MME: variants seen among roughly 807,000 people sequenced by gnomAD.
MME encodes the protein membrane metalloendopeptidase, also known as neprilysin.
Under a neutral mutation model 113.2 loss-of-function variants are expected in MME, and 98 were observed. The ratio of observed to expected loss-of-function variants is 0.87; its 90% CI spans 0.74 to 1.02. The LOEUF is 1.02. MME is among the 50% of genes least tolerant of loss of function. The pLI is 0.00. For missense variants in MME, 836 were observed against 896.0 expected (o/e 0.93, Z 0.86); for synonymous variants, 292 against 300.6 (o/e 0.97, Z 0.30).
chr3:155,078,663 G>GTGTA (rs1455391141), upstream of MME, among the ~76,000 whole-genome samples: 18 of 141,396 alleles, frequency 1.3e-4, no homozygotes, highest in South Asian at 4.3e-4. Context: ...GTGTGTATGT[G>GTGTA]TGTGTGTGTG....
chr3:155,140,537 C>T (rs1209634624), intron 10 of MME, among the ~76,000 whole-genome samples: 2 of 151,438 alleles, frequency 1.3e-5, no homozygotes, highest in South Asian at 2.1e-4. Context: ...CTGCCTCAGC[C>T]TCCCAAGTAG....
intron 16 of MME, among the ~76,000 whole-genome samples, chr3:155,150,380 A>C (rs1196490397): frequency 6.6e-6 from 1 of 152,200 alleles, no homozygotes; most frequent in Non-Finnish European, 1.5e-5. Context: ...GATAATCAAA[A>C]GCCAAAAGTG....
rs189755307 is a variant in MME at position 155,126,721 on chromosome 3, T to C, written c.720+7910T>C. 1.8e-4 allele frequency among the ~76,000 whole-genome samples: 27 copies of C among 152,154 alleles called. No homozygotes were observed. In the East Asian group the frequency reaches 5.0e-3, roughly 28 times the overall value. ...CCTTTTAGAAAGGGCATTTATTGGC[T>C]GGGCGCAGTGGCTCATGCCTGTAAT... On this transcript the variant is annotated intron_variant, in intron 8 of 22. Transcript: ENST00000360490.
At chr3:155,158,973 T>G (rs1274720676) in intron 16 of MME, 1 of 151,868 alleles carries the variant, frequency 6.6e-6, no homozygotes, top group Non-Finnish European at 1.5e-5. Context: ...ATCTCCAAGC[T>G]TTTTTTCTTC....
chr3:155,097,627 G>T (rs1027541948), intron 3 of MME, among the ~76,000 whole-genome samples: 2 of 152,124 alleles, frequency 1.3e-5, no homozygotes, highest in African/African-American at 4.8e-5. Flanking sequence ...GATAAAGGAT[G>T]GCCTCCTCCT....
intron 1 of MME, among the ~76,000 whole-genome samples, chr3:155,032,929 A>G (rs190876556): frequency 9.8e-5 from 15 of 152,346 alleles, no homozygotes; most frequent in Non-Finnish European, 2.2e-4. Context: ...GGCTTAATGC[A>G]TAGTTACAAT....
intron 8 of MME, among the ~76,000 whole-genome samples, chr3:155,125,344 T>G (rs1719548175): frequency 7.0e-6 from 1 of 143,644 alleles, no homozygotes; most frequent in Non-Finnish European, 1.5e-5. Context: ...ATGAACCCGG[T>G]ACCTCAGATG....
At chr3:155,178,184 T>C (rs1712744817) in intron 22 of MME, among the ~76,000 whole-genome samples, 1 of 152,062 alleles carries the variant, frequency 6.6e-6, no homozygotes, top group South Asian at 2.1e-4. Flanking sequence ...CCACTTCACC[T>C]CAACCCTCCC....
At chr3:155,140,106 A>C in intron 9 of MME, 85 bp from the exon 10 acceptor site, 1 of 860,690 alleles carries the variant, frequency 1.2e-6, no homozygotes, top group Non-Finnish European at 1.9e-6. Context: ...TGTTGTACCT[A>C]TCCTATATTT....
rs61761963 is a variant in MME, at chr3:155,183,632, G to T, written c.*3173G>T. The T allele has an allele frequency of 6.6e-6, 1 of 152,118 alleles. No individual in the cohort carries two copies. Among genetic ancestry groups the T allele is most frequent in the Non-Finnish European group, 1.5e-5 (1 of 68,006 alleles). The allele number at this position is 152,118 out of a possible 1,614,324, so 9.4% of individuals were successfully genotyped here. A position where few individuals can be genotyped will look rare whatever the true frequency, so the allele number is the denominator to read the frequency against. On this transcript the variant is annotated 3_prime_UTR_variant, in exon 23 of 23. Coordinates refer to ENST00000360490, the MANE Select transcript of MME (RefSeq NM_007289.4). ...AAAGAAGAAAGACTCTATTCTCAAA[G>T]TTTCCTAATCAGAAATTTTTATCAG... is the stretch of plus-strand genomic sequence containing the variant.
chr3:155,113,909 C>T (rs1316104479), intron 3 of MME, among the ~76,000 whole-genome samples: 2 of 152,098 alleles, frequency 1.3e-5, no homozygotes, highest in Non-Finnish European at 2.9e-5. Flanking sequence ...TTTTAAAGAG[C>T]TGGGTCCTGA....
intron 16 of MME, chr3:155,158,798 A>G (rs1283962906): frequency 1.3e-5 from 2 of 152,122 alleles, no homozygotes; most frequent in Admixed American, 1.3e-4. Flanking sequence ...TGTTGTAATC[A>G]TCAACCTGCA....
At chr3:155,079,359 C>G (rs1403711861), upstream of MME, among the ~76,000 whole-genome samples, 1 of 152,000 alleles carries the variant, frequency 6.6e-6, no homozygotes, top group East Asian at 1.9e-4. Context: ...GATGGAGCCC[C>G]CTCAGGACTA....
chr3:155,055,994 C>T (rs1229141691), intron 1 of MME, among the ~76,000 whole-genome samples: 1 of 152,074 alleles, frequency 6.6e-6, no homozygotes, highest in Non-Finnish European at 1.5e-5. Flanking sequence ...TGTAGCTCCT[C>T]AATTCACTTA....
rs954345333 is a variant in MME, at chr3:155,071,932, C to T, written c.-10-12226C>T. ...ATCCCAGCACTTTGGGAGGCCGAGG[C>T]GGGTGGATCATGAGGTCAGGAGATA... is the stretch of plus-strand genomic sequence containing the variant. On this transcript the variant is annotated intron_variant, in intron 1 of 22. Coordinates refer to the MME transcript ENST00000492661. 4.6e-5 allele frequency among the ~76,000 whole-genome samples: 7 copies of T among 152,028 alleles called. No homozygotes were observed. The South Asian group carries it at 6.2e-4, about 14-fold the overall frequency.
At position 155,116,571 on chromosome 3, in the gene MME, T is replaced by C; in HGVS notation, c.439+12T>C. On this transcript the variant is annotated intron_variant, in intron 5 of 22. Coordinates refer to ENST00000360490, the MANE Select transcript of MME (RefSeq NM_007289.4). ...TTGTATAAATGAATGTAAGTGCTCT[T>C]CATTTGATTTCATTAGGAGTATATA... 2.6e-6 allele frequency: 4 copies of C among 1,537,882 alleles called. No individual in the cohort carries two copies. The highest frequency in any genetic ancestry group is 2.7e-6 in the Non-Finnish European group (3 of 1,115,596).
At chr3:155,029,051 A>G (rs902795872) in intron 1 of MME, among the ~76,000 whole-genome samples, 1 of 152,220 alleles carries the variant, frequency 6.6e-6, no homozygotes, top group African/African-American at 2.4e-5. Context: ...AAAGGAGATC[A>G]AAGTTATTAA....
Position 155,179,963 on chromosome 3 carries a change from T to C in MME, c.2154-397T>C, listed in dbSNP as rs533782879. ...TCATGATTATATTCTTTGACCAAACTCTTATTATAATACAACTCCAAATAC... is the reference window on the plus strand; with the variant it reads ...TCATGATTATATTCTTTGACCAAACCCTTATTATAATACAACTCCAAATAC... On this transcript the variant is annotated intron_variant, in intron 22 of 22. Transcript: ENST00000360490. Among the ~76,000 whole-genome samples, 9 of 152,342 alleles carry C rather than the reference T, an allele frequency of 5.9e-5. No homozygotes were observed. The South Asian group carries it at 1.9e-3, about 32-fold the overall frequency.
At chr3:155,173,109 C>G (rs1159511778) in intron 22 of MME, among the ~76,000 whole-genome samples, 1 of 152,056 alleles carries the variant, frequency 6.6e-6, no homozygotes, top group Non-Finnish European at 1.5e-5. Context: ...GAAAAATGCT[C>G]TACAGAGTAG....
Sources: allele counts gnomAD v4.1 joint callset (sites outside exome capture counted in the v4.1 genomes callset), GRCh38; gene constraint gnomAD v4.1.1; transcripts MANE v1.5; gene names NCBI Gene and HGNC (gene_info 2026-07-23, HGNC 2026-07-21).